Variants in DNAJC21 observed in about 807,000 individuals in gnomAD.
The protein encoded by DNAJC21 is dnaJ homolog subfamily C member 21.
DNAJC21 carries 63 observed loss-of-function variants against 72.4 expected under a neutral mutation model. The ratio of observed to expected loss-of-function variants is 0.87; its 90% CI spans 0.71 to 1.07. The LOEUF (loss-of-function observed/expected upper bound fraction) is 1.07. DNAJC21 is among the 50% of genes least tolerant of loss of function. The probability of loss-of-function intolerance (pLI) is 0.00; values close to 1 mark genes in which losing one functional copy is unlikely to be tolerated. For synonymous variants in DNAJC21, 203 were observed against 216.7 expected, an observed-to-expected ratio of 0.94 and a Z score of 0.56; for missense variants, 634 against 644.8, an observed-to-expected ratio of 0.98 and a Z score of 0.18.
chr5:34,939,856 C>T (rs917295382), intron 6 of DNAJC21, among the ~76,000 whole-genome samples: 1 of 152,104 alleles, frequency 6.6e-6, no homozygotes, highest in African/African-American at 2.4e-5. Flanking sequence ...CCAGTTTTAC[C>T]TTATCTACAA....
At position 34,945,006 on chromosome 5, in the gene DNAJC21, G is replaced by T; in HGVS notation, c.1123G>T (p.Glu375Ter). Residue 375 changes from glutamate (E) to a stop codon, truncating the protein, a stop_gained, in exon 8 of 12, where the codon GAA (glutamate) becomes TAA (stop). Transcript: ENST00000648817. LOFTEE classifies it high-confidence loss of function. ...AGATGACAATTCTGAGGAAGAAATGGAAGATGCACCAAAACAAAAGTACTT... is the reference window on the plus strand; with the variant it reads ...AGATGACAATTCTGAGGAAGAAATGTAAGATGCACCAAAACAAAAGTACTT... Reference protein sequence around the residue: ...PLDDNSEEEMEDAPKQKLSKK... With the variant: ...PLDDNSEEEM 6.2e-7 allele frequency: 1 copy of T among 1,613,266 alleles called. No homozygotes were observed. Among genetic ancestry groups the T allele is most frequent in the Non-Finnish European group, 8.5e-7 (1 of 1,179,868 alleles).
At position 34,955,476 on chromosome 5, in the gene DNAJC21, A is replaced by G. The variant is rs970945871; in HGVS notation, c.*762A>G. ...AGGTAGCAGATGGTACAGAATTTAT[A>G]CTATTTAAGAAGAGATGTGGTGTTC... On this transcript the variant is annotated 3_prime_UTR_variant, in exon 12 of 12. Transcript: ENST00000648817. 1 of 152,152 alleles carries G rather than the reference A, an allele frequency of 6.6e-6. No individual in the cohort carries two copies. The highest frequency in any genetic ancestry group is 1.5e-5 in the Non-Finnish European group (1 of 68,024). The allele number at this position is 152,152 out of a possible 1,614,324, so 9.4% of individuals were successfully genotyped here.
chr5:34,946,854 C>A (rs576726809), intron 9 of DNAJC21, among the ~76,000 whole-genome samples: 1 of 152,248 alleles, frequency 6.6e-6, no homozygotes, highest in East Asian at 1.9e-4. Flanking sequence ...CTATTGATTG[C>A]AACCATAAAC....
rs1000098512 is a variant in DNAJC21 at position 34,956,539 on chromosome 5, T to A, written c.*1825T>A. 2 of 152,176 alleles carry A rather than the reference T, an allele frequency of 1.3e-5. No individual in the cohort carries two copies. The highest frequency in any genetic ancestry group is 2.9e-5 in the Non-Finnish European group (2 of 68,034). 9.4% of individuals were successfully genotyped at this position (152,176 alleles called of 1,614,324 possible). ...TCTGAACTAGATGAATTGGCCATAA[T>A]TATGAATAGGAATATTAATGAACCA... On this transcript the variant is annotated 3_prime_UTR_variant, in exon 12 of 12. Transcript: ENST00000648817.
At chr5:34,942,807 G>T (rs144937264) in intron 7 of DNAJC21, among the ~76,000 whole-genome samples, 2,442 of 152,102 alleles carry the variant, frequency 0.016, 71 homozygotes, top group African/African-American at 0.056. Flanking sequence ...AGTGGCTCAC[G>T]CCTGTAATCC....
At position 34,929,850 on chromosome 5, in the gene DNAJC21, C is replaced by T. The variant is rs1764520664; in HGVS notation, c.31C>T (p.Arg11Trp). The T allele has an allele frequency of 5.1e-6, 8 of 1,571,572 alleles. No homozygotes were observed. The highest frequency in any genetic ancestry group is 6.9e-6 in the Non-Finnish European group (8 of 1,159,952). ...GTGTCACTATGAGGCGCTGGGGGTG[C>T]GGCGCGACGCCAGCGAGGAGGAGCT... Reference protein sequence around the residue: MKCHYEALGVRRDASEEELKK... With the variant: MKCHYEALGVWRDASEEELKK... The change falls in exon 1 of 12, where the codon CGG (arginine) becomes TGG (tryptophan). Residue 11 changes from arginine (R) to tryptophan (W), a missense_variant. Coordinates refer to ENST00000648817, the MANE Select transcript of DNAJC21 (RefSeq NM_001012339.3).
intron 5 of DNAJC21, among the ~76,000 whole-genome samples, chr5:34,938,039 C>T (rs944566027): frequency 2.0e-5 from 3 of 152,118 alleles, no homozygotes; most frequent in Non-Finnish European, 4.4e-5. Context: ...CTCAAGCGAT[C>T]TGCCCGCCTC....
intron 5 of DNAJC21, among the ~76,000 whole-genome samples, 195 bp downstream of exon 5, chr5:34,937,825 T>C (rs1764844760): frequency 6.6e-6 from 1 of 152,142 alleles, no homozygotes; most frequent in Admixed American, 6.5e-5. Context: ...TGGGACAGTG[T>C]CATTCTGTCA....
At chr5:34,949,821 G>A in intron 9 of DNAJC21, 2 of 1,422,764 alleles carry the variant, frequency 1.4e-6, no homozygotes, top group South Asian at 3.1e-5. Flanking sequence ...TACCTGTAGA[G>A]ATTACTTAAT....
In DNAJC21 at chr5:34,958,066, T is replaced by G. The variant is rs972849671; in HGVS notation, c.*3352T>G. ...TATGAGCTCCACAGCCACAGCTGGT[T>G]AGGGGCGGCTGCCAGTAGAACAGGG... On this transcript the variant is annotated 3_prime_UTR_variant, in exon 12 of 12. Coordinates refer to ENST00000648817, the MANE Select transcript of DNAJC21 (RefSeq NM_001012339.3). 6.6e-6 allele frequency: 1 copy of G among 152,230 alleles called. No individual in the cohort carries two copies. Among genetic ancestry groups the G allele is most frequent in the South Asian group, 2.1e-4 (1 of 4,830 alleles). The allele number at this position is 152,230 out of a possible 1,614,324, so 9.4% of individuals were successfully genotyped here.
chr5:34,952,278 A>G, intron 10 of DNAJC21: 2 of 977,280 alleles, frequency 2.0e-6, no homozygotes, highest in Non-Finnish European at 2.4e-6. Flanking sequence ...CATATCTGTG[A>G]TGATAGTTTG....
intron 8 of DNAJC21, among the ~76,000 whole-genome samples, chr5:34,945,228 C>G (rs1434702627): frequency 3.9e-5 from 6 of 152,146 alleles, no homozygotes; most frequent in Non-Finnish European, 7.4e-5. Flanking sequence ...CAGGCACACA[C>G]CACCACGCCC....
intron 3 of DNAJC21, 57 bp downstream of exon 3, chr5:34,935,890 T>C: frequency 6.2e-7 from 1 of 1,602,586 alleles, no homozygotes; most frequent in Non-Finnish European, 8.5e-7. Flanking sequence ...AAGACTCACA[T>C]ACAAAGAGAA....
At chr5:34,937,864 C>T (rs1001346071) in intron 5 of DNAJC21, among the ~76,000 whole-genome samples, 3 of 152,096 alleles carry the variant, frequency 2.0e-5, no homozygotes, top group East Asian at 3.9e-4. Context: ...GGTGCGATCT[C>T]GGCTCACTGC....
intron 1 of DNAJC21, 83 bp downstream of exon 1, chr5:34,929,999 C>T (rs1580518727): frequency 6.1e-6 from 7 of 1,155,514 alleles, no homozygotes; most frequent in African/African-American, 4.8e-5. Flanking sequence ...GCGGACTCCG[C>T]GGAGCCAGCA....
Position 34,941,560 on chromosome 5 carries a change from CT to C in DNAJC21, c.983+400del, listed in dbSNP as rs765889955. Among the ~76,000 whole-genome samples, 599 of 76,112 alleles carry C rather than the reference CT, an allele frequency of 7.9e-3. 2 individuals carry two copies. The highest frequency in any genetic ancestry group is 0.022 in the Middle Eastern group (1 of 46). 49.9% of individuals were successfully genotyped at this position (76,112 alleles called of 152,430 possible). On this transcript the variant is annotated intron_variant, in intron 7 of 11. Transcript: ENST00000648817. ...TTTAGTATCTCTGAACTTGTGTTTTCTTTTTTTTTTTTTTTTTTTTTTTGGA... is the reference window on the plus strand; with the variant it reads ...TTTAGTATCTCTGAACTTGTGTTTTCTTTTTTTTTTTTTTTTTTTTTTGGA...
chr5:34,951,975 G>A (rs1765382686), intron 10 of DNAJC21: 3 of 985,306 alleles, frequency 3.0e-6, no homozygotes, highest in Admixed American at 1.2e-4. Context: ...CAGAATGGCA[G>A]AGCTAAGATA....
intron 7 of DNAJC21, among the ~76,000 whole-genome samples, chr5:34,941,389 A>C (rs1045530134): frequency 6.6e-6 from 1 of 151,852 alleles, no homozygotes; most frequent in Admixed American, 6.6e-5. Context: ...TTTTGCACCA[A>C]CCTAAATATT....
chr5:34,950,278 C>T lies in DNAJC21; in HGVS notation c.1294C>T (p.Gln432Ter), dbSNP rs1450749654. Residue 432 changes from glutamine (Q) to a stop codon, truncating the protein, a stop_gained, in exon 10 of 12, where the codon CAG becomes TAG. Coordinates refer to ENST00000648817, the MANE Select transcript of DNAJC21 (RefSeq NM_001012339.3). LOFTEE classifies it high-confidence loss of function. ...DSAKELEDSP[Q>*]ENVSVTEIIK... Reference sequence around the variant, plus strand: ...TGCCAAAGAATTGGAAGATAGTCCCCAGGAAAATGTCAGTGTCACAGAGAT... The same window carrying T: ...TGCCAAAGAATTGGAAGATAGTCCCTAGGAAAATGTCAGTGTCACAGAGAT... The T allele has an allele frequency of 3.1e-6, 5 of 1,613,566 alleles. No individual in the cohort carries two copies. The highest frequency in any genetic ancestry group is 4.2e-6 in the Non-Finnish European group (5 of 1,179,856).
Sources: allele counts gnomAD v4.1 joint callset (sites outside exome capture counted in the v4.1 genomes callset), GRCh38; gene constraint gnomAD v4.1.1; transcripts MANE v1.5; gene names NCBI Gene and HGNC (gene_info 2026-07-23, HGNC 2026-07-21).